The following AGBL4 variants were observed in gnomAD, a reference collection of about 807,000 sequenced individuals.
AGBL4 encodes cytosolic carboxypeptidase 6.
In AGBL4, 58 loss-of-function variants were observed where a neutral mutation model predicts 66.4. That is an observed-to-expected ratio of 0.87 (90% CI 0.71 to 1.09). AGBL4 has a LOEUF of 1.09. Among genes scored for constraint, AGBL4 ranks in the 50% least tolerant of loss-of-function variants. The pLI is 0.00. For missense variants in AGBL4, 579 were observed against 631.0 expected (o/e 0.92, Z 0.88); for synonymous variants, 234 against 222.9 (o/e 1.05, Z -0.44).
intron 2 of AGBL4, among the ~76,000 whole-genome samples, chr1:49,748,186 G>A (rs760040980): frequency 1.3e-5 from 2 of 151,750 alleles, no homozygotes; most frequent in African/African-American, 2.4e-5. Context: ...GACAGGCTCC[G>A]GTGTGTGATG....
At chr1:49,775,825 C>T (rs1429397328) in intron 2 of AGBL4, among the ~76,000 whole-genome samples, 2 of 151,706 alleles carry the variant, frequency 1.3e-5, no homozygotes, top group East Asian at 3.9e-4. Flanking sequence ...AGAATATTAC[C>T]AGAGTATATT....
At chr1:49,741,128 G>T (rs1421735863) in intron 2 of AGBL4, among the ~76,000 whole-genome samples, 1 of 152,010 alleles carries the variant, frequency 6.6e-6, no homozygotes, top group Non-Finnish European at 1.5e-5. Flanking sequence ...TTTTCGAAAG[G>T]ATCAACAAAA....
chr1:48,686,290 G>C (rs915588156), intron 6 of AGBL4, among the ~76,000 whole-genome samples: 1 of 152,174 alleles, frequency 6.6e-6, no homozygotes, highest in African/African-American at 2.4e-5. Context: ...TACTTCCTCT[G>C]CTGAAGCAAG....
At chr1:49,732,576 C>G (rs369497809) in intron 2 of AGBL4, among the ~76,000 whole-genome samples, 1 of 151,734 alleles carries the variant, frequency 6.6e-6, no homozygotes, top group African/African-American at 2.4e-5. Context: ...AAAAAGGATA[C>G]AGAAATTATA....
chr1:49,241,803 C>T (rs150006218), intron 4 of AGBL4, among the ~76,000 whole-genome samples: 165 of 152,072 alleles, frequency 1.1e-3, no homozygotes, highest in African/African-American at 3.6e-3. Context: ...TAATAACACA[C>T]TTCAGACTTT....
intron 1 of AGBL4, among the ~76,000 whole-genome samples, chr1:49,907,298 C>T (rs1444431572): frequency 6.6e-6 from 1 of 152,016 alleles, no homozygotes; most frequent in African/African-American, 2.4e-5. Context: ...TTCCTCCTAT[C>T]CAAGAATGTA....
At chr1:49,924,858 C>T (rs1365292048) in intron 1 of AGBL4, among the ~76,000 whole-genome samples, 1 of 152,140 alleles carries the variant, frequency 6.6e-6, no homozygotes, top group Non-Finnish European at 1.5e-5. Context: ...ATTGACACAG[C>T]AACTGGGGGA....
At chr1:49,261,466 G>A (rs1653159181) in intron 3 of AGBL4, among the ~76,000 whole-genome samples, 1 of 151,580 alleles carries the variant, frequency 6.6e-6, no homozygotes, top group Non-Finnish European at 1.5e-5. Flanking sequence ...CAAAGTCTCA[G>A]GATACAAAAT....
intron 6 of AGBL4, chr1:48,817,368 C>G (rs947834329): frequency 6.6e-6 from 1 of 152,170 alleles, no homozygotes; most frequent in African/African-American, 2.4e-5. Context: ...GTCAGAAGAC[C>G]TGTTTAATCA....
At chr1:49,327,349 A>T (rs1645247190) in intron 3 of AGBL4, among the ~76,000 whole-genome samples, 1 of 152,214 alleles carries the variant, frequency 6.6e-6, no homozygotes, top group South Asian at 2.1e-4. Context: ...TAAACAAACT[A>T]GGCTGCTGAA....
At chr1:49,678,411 C>A (rs565565145) in intron 3 of AGBL4, among the ~76,000 whole-genome samples, 69 of 152,160 alleles carry the variant, frequency 4.5e-4, no homozygotes, top group African/African-American at 1.5e-3. Context: ...TCAAAGAACC[C>A]ACTTTTGCTA....
chr1:48,650,288 G>A (rs1024961526), intron 8 of AGBL4, among the ~76,000 whole-genome samples: 1 of 152,210 alleles, frequency 6.6e-6, no homozygotes, highest in African/African-American at 2.4e-5. Flanking sequence ...AGGCTTGAGA[G>A]TCTGCACGTC....
At chr1:49,286,814 T>A (rs940180969) in intron 3 of AGBL4, among the ~76,000 whole-genome samples, 10 of 152,162 alleles carry the variant, frequency 6.6e-5, no homozygotes, top group Admixed American at 5.9e-4. Context: ...TTCAATGCCA[T>A]CCCCATCAAG....
intron 6 of AGBL4, among the ~76,000 whole-genome samples, chr1:48,707,059 T>C (rs1205011277): frequency 5.3e-5 from 8 of 152,218 alleles, no homozygotes; most frequent in African/African-American, 1.9e-4. Context: ...TTTGGGAGGC[T>C]GAGGCAGATG....
intron 3 of AGBL4, among the ~76,000 whole-genome samples, chr1:49,571,350 A>T (rs532283828): frequency 6.6e-6 from 1 of 151,880 alleles, no homozygotes; most frequent in East Asian, 1.9e-4. Flanking sequence ...GTTATAGGGT[A>T]AACTTCTTTA....
downstream of AGBL4, among the ~76,000 whole-genome samples, chr1:48,529,551 G>A (rs1438106170): frequency 6.6e-6 from 1 of 152,040 alleles, no homozygotes; most frequent in African/African-American, 2.4e-5. Context: ...CTTTAAACTC[G>A]GGCTGTTCCT....
intron 1 of AGBL4, among the ~76,000 whole-genome samples, chr1:49,985,015 T>C (rs1406637201): frequency 1.3e-5 from 2 of 152,208 alleles, no homozygotes; most frequent in Non-Finnish European, 2.9e-5. Context: ...AAAAATCACT[T>C]ATTCTATCTT....
At chr1:49,059,079 T>G (rs1014046288) in intron 4 of AGBL4, among the ~76,000 whole-genome samples, 4 of 152,116 alleles carry the variant, frequency 2.6e-5, no homozygotes, top group Non-Finnish European at 4.4e-5. Flanking sequence ...AGGAGCCAAA[T>G]GTTAATCACC....
intron 3 of AGBL4, among the ~76,000 whole-genome samples, chr1:49,542,459 C>T (rs940394177): frequency 6.6e-6 from 1 of 152,168 alleles, no homozygotes; most frequent in African/African-American, 2.4e-5. Context: ...AAACTCCGGA[C>T]ATGCCGCCTT....
Sources: gnomAD v4.1 joint callset for allele counts (sites outside exome capture counted in the v4.1 genomes callset) on GRCh38, gnomAD v4.1.1 for gene constraint, MANE v1.5 for transcripts, NCBI Gene and HGNC (gene_info 2026-07-23, HGNC 2026-07-21) for gene names.